Variants in SLC1A6 observed in about 807,000 individuals in gnomAD.
The protein encoded by SLC1A6 is excitatory amino acid transporter 4.
SLC1A6 carries 15 observed loss-of-function variants against 42.1 expected under a neutral mutation model. The ratio of observed to expected loss-of-function variants is 0.36; its 90% CI spans 0.24 to 0.55. SLC1A6 has a LOEUF of 0.55. Among genes scored for constraint, SLC1A6 ranks in the 20% least tolerant of loss-of-function variants. SLC1A6 has a pLI of 0.88. For missense variants in SLC1A6, 542 were observed against 772.5 expected, an observed-to-expected ratio of 0.70 and a Z score of 3.54; for synonymous variants, 317 against 319.7, an observed-to-expected ratio of 0.99 and a Z score of 0.09.
intron 1 of SLC1A6, among the ~76,000 whole-genome samples, chr19:14,976,264 T>C (rs2045709888): frequency 6.6e-6 from 1 of 152,234 alleles, no homozygotes; most frequent in South Asian, 2.1e-4. Context: ...CGCCTAGATA[T>C]GGAATCAACC....
intron 1 of SLC1A6, among the ~76,000 whole-genome samples, chr19:14,988,937 T>C (rs58339985): frequency 0.17 from 26,054 of 152,094 alleles, 3,295 homozygotes; most frequent in African/African-American, 0.35. Flanking sequence ...GAGGATCACT[T>C]GAACTGAGGA....
At chr19:14,987,964 T>A (rs1429098450) in intron 1 of SLC1A6, among the ~76,000 whole-genome samples, 1 of 152,098 alleles carries the variant, frequency 6.6e-6, no homozygotes, top group East Asian at 1.9e-4. Context: ...GCTCAAGCAA[T>A]CCTACTGCCT....
At chr19:15,001,142 TCTA>T (rs757641509) in intron 1 of SLC1A6, among the ~76,000 whole-genome samples, 6 of 148,538 alleles carry the variant, frequency 4.0e-5, no homozygotes, top group Non-Finnish European at 8.9e-5. Flanking sequence ...ATATTAAGGG[TCTA>T]CTTTGTTCCA....
intron 1 of SLC1A6, among the ~76,000 whole-genome samples, chr19:14,993,714 C>G (rs567001709): frequency 6.6e-6 from 1 of 152,316 alleles, no homozygotes; most frequent in East Asian, 1.9e-4. Context: ...ATGGGTAAGA[C>G]AGCAGAAGGA....
At chr19:14,962,680 G>A (rs550615867) in intron 5 of SLC1A6, among the ~76,000 whole-genome samples, 90 of 152,248 alleles carry the variant, frequency 5.9e-4, no homozygotes, top group African/African-American at 2.2e-3. Context: ...CGAGGCAGGC[G>A]GATCATGAGG....
chr19:15,010,473 T>C, intron 1 of SLC1A6: 2 of 516,402 alleles, frequency 3.9e-6, no homozygotes, highest in South Asian at 3.1e-5. Flanking sequence ...CTGGCCCTTC[T>C]TCCATGCTTA....
chr19:14,983,807 C>A (rs79422099), upstream of SLC1A6, among the ~76,000 whole-genome samples: 1 of 150,116 alleles, frequency 6.7e-6, no homozygotes, highest in Non-Finnish European at 1.5e-5. Flanking sequence ...GTAAGCTATG[C>A]TCAGACATAA....
At chr19:14,999,169 T>C (rs6511998) in intron 1 of SLC1A6, among the ~76,000 whole-genome samples, 130,727 of 152,096 alleles carry the variant, frequency 0.86, 56,194 homozygotes, top group East Asian at 0.92. Flanking sequence ...TGAGCCACCA[T>C]GCCCGGCCAA....
intron 1 of SLC1A6, among the ~76,000 whole-genome samples, chr19:14,990,760 A>G (rs2045815594): frequency 6.9e-6 from 1 of 144,184 alleles, no homozygotes; most frequent in Non-Finnish European, 1.5e-5. Context: ...CAAGAGTGAG[A>G]CTCTGTCTCA....
chr19:14,952,076 T>C (rs1376912964), intron 9 of SLC1A6, among the ~76,000 whole-genome samples: 1 of 151,656 alleles, frequency 6.6e-6, no homozygotes, highest in East Asian at 2.0e-4. Context: ...CCTCGCAAAG[T>C]GCTGGAATTA....
chr19:14,984,279 G>C (rs1325041852), upstream of SLC1A6, among the ~76,000 whole-genome samples: 2 of 152,048 alleles, frequency 1.3e-5, no homozygotes, highest in African/African-American at 4.8e-5. Flanking sequence ...ATTGTGGTGA[G>C]CCGAGATCGT....
intron 5 of SLC1A6, among the ~76,000 whole-genome samples, chr19:14,963,767 A>C (rs2045541927): frequency 6.6e-6 from 1 of 151,582 alleles, no homozygotes; most frequent in Admixed American, 6.6e-5. Context: ...AATTTCTGGA[A>C]TCTCTACACC....
At chr19:14,998,963 C>T (rs988870497) in intron 1 of SLC1A6, among the ~76,000 whole-genome samples, 16 of 151,972 alleles carry the variant, frequency 1.1e-4, no homozygotes, top group East Asian at 1.9e-4. Flanking sequence ...CTGCAGCCTC[C>T]GCCTCCTGGG....
Position 14,968,357 on chromosome 19 carries a change from C to G in SLC1A6, c.494G>C (p.Arg165Pro). ...GGGGATGGTCTCGATCCGGCCCTCC[C>G]GGTGCAGCCCCTCCTTGGAGCCCTT... ...PGKGSKEGLH[R>P]EGRIETIPTA... Residue 165 changes from arginine to proline, a missense_variant, in exon 4 of 10, where the codon CGG (arginine) becomes CCG (proline). Arg to Pro is a moderately radical substitution (Grantham distance 103). Coordinates refer to ENST00000594383, the MANE Select transcript of SLC1A6 (RefSeq NM_005071.3). 1.2e-6 allele frequency: 2 copies of G among 1,613,800 alleles called. No individual in the cohort carries two copies. The highest frequency in any genetic ancestry group is 1.7e-6 in the Non-Finnish European group (2 of 1,179,894).
rs76141109 is a variant in SLC1A6 at position 14,979,653 on chromosome 19, G to C, written c.-352C>G. On this transcript the variant is annotated 5_prime_UTR_variant, in exon 1 of 10. Coordinates refer to ENST00000594383, the MANE Select transcript of SLC1A6 (RefSeq NM_005071.3). This position sits in a 1 kb window ranked among gnomAD's most constrained non-coding sequence, Gnocchi z 4.2. ...ACTGTGCAGCACCGGCGCGGGGACC[G>C]GACCGTGGAGGCACCGGCGCGGAGC... 6.6e-6 allele frequency: 1 copy of C among 151,690 alleles called. No individual in the cohort carries two copies. The highest frequency in any genetic ancestry group is 1.5e-5 in the Non-Finnish European group (1 of 67,932). The allele number at this position is 151,690 out of a possible 1,614,324, so 9.4% of individuals were successfully genotyped here.
At position 14,976,131 on chromosome 19, in the gene SLC1A6, A is replaced by G. The variant is rs560470774; in HGVS notation, c.-8+3178T>C. Among the ~76,000 whole-genome samples, 10 of 152,178 alleles carry G rather than the reference A, an allele frequency of 6.6e-5. No individual in the cohort carries two copies. In the East Asian group the frequency reaches 1.9e-3, roughly 29 times the overall value. ...CAGTGGAAAGGACAACAGTATGGAGATTTCTCAAAGAACTCCATCCCATCC... is the reference window on the plus strand; with the variant it reads ...CAGTGGAAAGGACAACAGTATGGAGGTTTCTCAAAGAACTCCATCCCATCC... On this transcript the variant is annotated intron_variant, in intron 1 of 9. Transcript: ENST00000594383.
At chr19:14,952,230 A>C (rs1370294463) in intron 9 of SLC1A6, among the ~76,000 whole-genome samples, 1 of 148,672 alleles carries the variant, frequency 6.7e-6, no homozygotes, top group Non-Finnish European at 1.5e-5. Flanking sequence ...GCTTAAGCTA[A>C]GGAGTTCAAG....
intron 4 of SLC1A6, among the ~76,000 whole-genome samples, chr19:14,964,974 G>T (rs955681523): frequency 1.2e-4 from 18 of 152,062 alleles, no homozygotes; most frequent in African/African-American, 4.1e-4. Context: ...CACACTGCTG[G>T]TGGGGATGTA....
chr19:15,005,517 C>A (rs2145245101), intron 1 of SLC1A6, among the ~76,000 whole-genome samples: 1 of 151,660 alleles, frequency 6.6e-6, no homozygotes, highest in Non-Finnish European at 1.5e-5. Flanking sequence ...CTCACAAAAA[C>A]AAAAAAACAA....
Sources: allele counts gnomAD v4.1 joint callset (sites outside exome capture counted in the v4.1 genomes callset), GRCh38; gene constraint gnomAD v4.1.1; non-coding constraint Gnocchi (gnomAD v3.1); transcripts MANE v1.5; gene names NCBI Gene and HGNC (gene_info 2026-07-23, HGNC 2026-07-21).